TNRC6C: variants seen among roughly 807,000 people sequenced by gnomAD.
The protein encoded by TNRC6C is trinucleotide repeat-containing gene 6C protein.
TNRC6C carries 20 observed loss-of-function variants against 153.7 expected under a neutral mutation model. The observed-to-expected ratio is 0.13, with a 90% CI of 0.09 to 0.19. The LOEUF is 0.19. Among genes scored for constraint, TNRC6C ranks in the 10% least tolerant of loss-of-function variants. The probability of loss-of-function intolerance (pLI) is 1.00; values close to 1 mark genes in which losing one functional copy is unlikely to be tolerated. For synonymous variants in TNRC6C, 811 were observed against 841.4 expected (o/e 0.96, Z 0.63); for missense variants, 1,987 against 2,172.0 (o/e 0.91, Z 1.69).
intron 2 of TNRC6C, among the ~76,000 whole-genome samples, chr17:78,033,127 A>G (rs1202655366): frequency 1.3e-5 from 2 of 152,196 alleles, no homozygotes; most frequent in Admixed American, 6.5e-5. Context: ...GAAAAACTGA[A>G]TAAGAAATGT....
At chr17:78,013,065 C>T (rs1308722684) in intron 1 of TNRC6C, among the ~76,000 whole-genome samples, 1 of 152,114 alleles carries the variant, frequency 6.6e-6, no homozygotes, top group Non-Finnish European at 1.5e-5. Context: ...ATCTTAAACC[C>T]GTCCATCAGG....
chr17:78,071,027 G>T (rs2072984141), intron 5 of TNRC6C, 58 bp from the exon 8 acceptor site: 1 of 1,477,634 alleles, frequency 6.8e-7, no homozygotes, highest in Non-Finnish European at 9.3e-7. Context: ...CCCATTTCTG[G>T]TAGAAATGCA....
At chr17:78,087,012 C>T (rs1201221752) in exon 13 of TNRC6C, 3 of 1,613,804 alleles carry the variant, frequency 1.9e-6, no homozygotes, top group Non-Finnish European at 2.5e-6. Flanking sequence ...CTTCCCCTCG[C>T]ACCCACAGAC....
intron 9 of TNRC6C, among the ~76,000 whole-genome samples, chr17:78,078,309 T>C (rs1368698623): frequency 6.6e-6 from 1 of 152,162 alleles, no homozygotes; most frequent in Non-Finnish European, 1.5e-5. Context: ...CAGGCGGCTG[T>C]TCCCAAGTGA....
chr17:78,036,570 A>G (rs1380019535), intron 2 of TNRC6C, among the ~76,000 whole-genome samples: 2 of 152,172 alleles, frequency 1.3e-5, no homozygotes, highest in Non-Finnish European at 2.9e-5. Flanking sequence ...CTGTGTAAGA[A>G]TAGATAAAAT....
intron 16 of TNRC6C, chr17:78,097,781 C>T: frequency 6.4e-7 from 1 of 1,551,210 alleles, no homozygotes; most frequent in Non-Finnish European, 8.7e-7. Flanking sequence ...GCCACGCTGC[C>T]TTCTTCGAGT....
At chr17:78,000,081 C>T (rs768311920), upstream of TNRC6C, among the ~76,000 whole-genome samples, 3 of 152,186 alleles carry the variant, frequency 2.0e-5, no homozygotes, top group African/African-American at 4.8e-5. Flanking sequence ...GGCAATGAGT[C>T]GCCTTTTCCA....
At chr17:77,980,142 GGATA>G (rs1175450128) in intron 1 of TNRC6C, among the ~76,000 whole-genome samples, 2 of 152,198 alleles carry the variant, frequency 1.3e-5, no homozygotes, top group African/African-American at 2.4e-5. Flanking sequence ...GCACTGGAAA[GGATA>G]GATAGACGAA....
chr17:78,024,838 A>G (rs2071906578), intron 1 of TNRC6C, among the ~76,000 whole-genome samples: 1 of 151,644 alleles, frequency 6.6e-6, no homozygotes, highest in Non-Finnish European at 1.5e-5. Context: ...TCTGTTGCCC[A>G]GGCTGGAGTG....
chr17:77,973,434 G>GA (rs1193572926), intron 1 of TNRC6C, among the ~76,000 whole-genome samples: 1 of 152,072 alleles, frequency 6.6e-6, no homozygotes, highest in Admixed American at 6.6e-5. Flanking sequence ...CCAAAACTGG[G>GA]AAAAAAAGAA....
chr17:78,035,957 C>T (rs1477491062), intron 2 of TNRC6C, among the ~76,000 whole-genome samples: 8 of 152,088 alleles, frequency 5.3e-5, no homozygotes, highest in South Asian at 2.1e-4. Flanking sequence ...GTGACTCCTA[C>T]GGTCACTTCT....
In TNRC6C at chr17:78,075,687, G is replaced by C. The variant is rs2073071882; in HGVS notation, c.3060+409G>C. 6.6e-6 allele frequency among the ~76,000 whole-genome samples: 1 copy of C among 152,146 alleles called. No individual in the cohort carries two copies. Among genetic ancestry groups the C allele is most frequent in the African/African-American group, 2.4e-5 (1 of 41,434 alleles). On this transcript the variant is annotated intron_variant, in intron 8 of 19. Transcript: ENST00000301624. The surrounding 1 kb of genome is among the most constrained non-coding windows in gnomAD (Gnocchi z 4.2). ...GGTGGGGCTTGGGCACCCATCTCTGGCTGGCCCTTGTCAGTTGGCCACATG... is the reference window on the plus strand; with the variant it reads ...GGTGGGGCTTGGGCACCCATCTCTGCCTGGCCCTTGTCAGTTGGCCACATG...
chr17:78,051,362 C>T, exon 3 of TNRC6C: 2 of 1,551,526 alleles, frequency 1.3e-6, no homozygotes, highest in Middle Eastern at 1.7e-4. Flanking sequence ...ACCACCACTA[C>T]CACGAGCAAC....
At chr17:78,050,871 G>A (rs753753021) in exon 3 of TNRC6C, 64 of 1,613,830 alleles carry the variant, frequency 4.0e-5, no homozygotes, top group Middle Eastern at 3.3e-4. Flanking sequence ...CAGATTCATC[G>A]TCTGTCCTTG....
intron 2 of TNRC6C, among the ~76,000 whole-genome samples, chr17:78,042,269 G>A (rs1400828995): frequency 6.6e-6 from 1 of 152,020 alleles, no homozygotes; most frequent in East Asian, 1.9e-4. Flanking sequence ...GCTTTTTTTA[G>A]GGGAAAAATT....
At chr17:78,103,986 G>T (rs1410669946) in intron 19 of TNRC6C, among the ~76,000 whole-genome samples, 1 of 152,184 alleles carries the variant, frequency 6.6e-6, no homozygotes, top group East Asian at 1.9e-4. Context: ...AGGCGACACA[G>T]GTCAGTTCCT....
chr17:77,985,526 C>G (rs1000846045), intron 1 of TNRC6C, among the ~76,000 whole-genome samples: 1 of 150,876 alleles, frequency 6.6e-6, no homozygotes, highest in Non-Finnish European at 1.5e-5. Context: ...GGCATGAACC[C>G]TGGAGGCAGA....
In TNRC6C at chr17:78,049,211, G is replaced by C. The variant is rs758134531; in HGVS notation, c.149G>C (p.Arg50Thr). Residue 50 changes from arginine (R) to threonine (T), a missense_variant, in exon 3 of 20, where the codon AGA becomes ACA. Transcript: ENST00000301624. This position sits in a 1 kb window ranked among gnomAD's most constrained non-coding sequence, Gnocchi z 4.1. The stretch of plus-strand genomic sequence containing the variant: ...GCGAACAGTAATGGAAGTGCGGCCA[G>C]AGTGTGGGGTGTAGCCACAGGCTCC... 7 of 1,613,090 alleles carry C rather than the reference G, an allele frequency of 4.3e-6. No homozygotes were observed. Among genetic ancestry groups the C allele is most frequent in the Non-Finnish European group, 5.9e-6 (7 of 1,179,480 alleles).
At chr17:78,103,668 G>A in intron 19 of TNRC6C, 115 bp downstream of exon 22, 1 of 1,431,664 alleles carries the variant, frequency 7.0e-7, no homozygotes, top group East Asian at 2.4e-5. Flanking sequence ...CCACAGGCTG[G>A]CCACCCTCCC....
Sources: gnomAD v4.1 joint callset for allele counts (sites outside exome capture counted in the v4.1 genomes callset) on GRCh38, gnomAD v4.1.1 for gene constraint, Gnocchi (gnomAD v3.1) non-coding constraint, MANE v1.5 for transcripts, NCBI Gene and HGNC (gene_info 2026-07-23, HGNC 2026-07-21) for gene names.